ZNF100: variants seen among roughly 807,000 people sequenced by gnomAD.
ZNF100 encodes zinc finger protein 100.
A neutral mutation model predicts 15.8 loss-of-function variants in ZNF100; 12 were observed. The ratio of observed to expected loss-of-function variants is 0.76; its 90% CI spans 0.49 to 1.23. ZNF100 has a LOEUF of 1.23. Ranked by LOEUF, ZNF100 falls within the 50% of genes most tolerant of loss-of-function variation. The probability of loss-of-function intolerance (pLI) is 0.00; values close to 1 mark genes in which losing one functional copy is unlikely to be tolerated. For synonymous variants in ZNF100, 226 were observed against 214.8 expected (o/e 1.05, Z -0.45); for missense variants, 670 against 635.6 (o/e 1.05, Z -0.58).
At chr19:21,737,544 A>T (rs2036029906) in intron 4 of ZNF100, among the ~76,000 whole-genome samples, 1 of 148,662 alleles carries the variant, frequency 6.7e-6, no homozygotes, top group African/African-American at 2.5e-5. Context: ...CCAAAAATAA[A>T]AAAAAAGAAG....
chr19:21,745,961 TTCCAAAGACAG>T (rs1314576544), intron 2 of ZNF100, among the ~76,000 whole-genome samples: 4 of 152,308 alleles, frequency 2.6e-5, no homozygotes, highest in African/African-American at 9.6e-5. Flanking sequence ...AGCCTTCATT[TTCCAAAGACAG>T]CTACATGCAA....
intron 2 of ZNF100, among the ~76,000 whole-genome samples, chr19:21,760,971 G>A (rs1222373817): frequency 6.6e-6 from 1 of 151,808 alleles, no homozygotes; most frequent in Non-Finnish European, 1.5e-5. Context: ...TGTTAGCCAG[G>A]ATAGTCTTGA....
chr19:21,732,950 G>A (rs2035944583), intron 4 of ZNF100, among the ~76,000 whole-genome samples: 1 of 152,144 alleles, frequency 6.6e-6, no homozygotes, highest in Admixed American at 6.5e-5. Flanking sequence ...ATGGTGGCCA[G>A]GCACAGTGGC....
In ZNF100 at chr19:21,727,167, A is replaced by C; in HGVS notation, c.1145T>G (p.Phe382Cys). Residue 382 changes from phenylalanine (F) to cysteine (C), a missense_variant, in exon 5 of 5, where the codon TTT (phenylalanine) becomes TGT (cysteine). Transcript: ENST00000358296. ...TTTAGTAAGGTATGAGAATCGGTAA[A>C]AAGCTTTGCCACATTCTTCACATTT... Reference protein sequence around the residue: ...PYKCEECGKAFYRFSYLTKHK... With the variant: ...PYKCEECGKACYRFSYLTKHK... 6.2e-7 allele frequency: 1 copy of C among 1,612,146 alleles called. No homozygotes were observed. Among genetic ancestry groups the C allele is most frequent in the Non-Finnish European group, 8.5e-7 (1 of 1,178,424 alleles).
rs192180158 is a variant in ZNF100, at chr19:21,730,861, A to G, written c.323-2872T>C. Among the ~76,000 whole-genome samples, 14 of 152,294 alleles carry G rather than the reference A, an allele frequency of 9.2e-5. No individual in the cohort carries two copies. The East Asian group carries it at 2.7e-3, about 29-fold the overall frequency. ...TAGAAAAACAATTAAACATTTACAA[A>G]TATATGGAAATTAACACACTCTTGA... On this transcript the variant is annotated intron_variant, in intron 4 of 4. Transcript: ENST00000358296.
chr19:21,743,761 T>G (rs1210362346), intron 4 of ZNF100, among the ~76,000 whole-genome samples: 1 of 149,790 alleles, frequency 6.7e-6, no homozygotes, highest in Non-Finnish European at 1.5e-5. Flanking sequence ...ACTCTGGCTC[T>G]CACTGTAAAC....
intron 1 of ZNF100, 102 bp downstream of exon 1, chr19:21,767,325 G>C: frequency 6.3e-7 from 1 of 1,592,922 alleles, no homozygotes; most frequent in East Asian, 2.2e-5. Context: ...CGCAGATTGT[G>C]AAGCTGACTG....
chr19:21,740,326 A>G (rs185472211), intron 4 of ZNF100, among the ~76,000 whole-genome samples: 141 of 152,310 alleles, frequency 9.3e-4, no homozygotes, highest in African/African-American at 3.3e-3. Context: ...TCAATAAAAT[A>G]CTTACATAAA....
intron 4 of ZNF100, among the ~76,000 whole-genome samples, chr19:21,741,679 A>G (rs967714113): frequency 3.3e-5 from 5 of 151,420 alleles, no homozygotes; most frequent in African/African-American, 1.2e-4. Context: ...CTGGCATGTA[A>G]AACTTTTTTT....
chr19:21,748,755 A>C (rs1167008473), intron 2 of ZNF100, among the ~76,000 whole-genome samples: 1 of 152,194 alleles, frequency 6.6e-6, no homozygotes, highest in Non-Finnish European at 1.5e-5. Context: ...CCCAGGCTGG[A>C]GTGCAATGGC....
At chr19:21,749,613 G>A (rs539317782) in intron 2 of ZNF100, among the ~76,000 whole-genome samples, 4 of 152,290 alleles carry the variant, frequency 2.6e-5, no homozygotes, top group East Asian at 3.9e-4. Flanking sequence ...TTACAGGTAG[G>A]TATAGTTGTG....
rs186626864 is a variant in ZNF100, at chr19:21,748,770, T to C, written c.97-3703A>G. On this transcript the variant is annotated intron_variant, in intron 2 of 4. Coordinates refer to ENST00000358296, the MANE Select transcript of ZNF100 (RefSeq NM_173531.4). ...CCCAGGCTGGAGTGCAATGGCACAA[T>C]CTTGGCTCAACGCAAACTCTACCTC... is the stretch of plus-strand genomic sequence containing the variant. Among the ~76,000 whole-genome samples the C allele has an allele frequency of 1.2e-4, 18 of 152,332 alleles. No individual in the cohort carries two copies. In the East Asian group the frequency reaches 3.5e-3, roughly 29 times the overall value.
intron 2 of ZNF100, among the ~76,000 whole-genome samples, chr19:21,758,250 AG>A (rs1462548385): frequency 6.6e-6 from 1 of 152,178 alleles, no homozygotes; most frequent in East Asian, 1.9e-4. Flanking sequence ...CATGGACACG[AG>A]GAACAGTCAC....
rs1464016459 is a variant in ZNF100 at position 21,725,657 on chromosome 19, T to C, written c.*1026A>G. 1 of 152,242 alleles carries C rather than the reference T, an allele frequency of 6.6e-6. No homozygotes were observed. Among genetic ancestry groups the C allele is most frequent in the East Asian group, 1.9e-4 (1 of 5,160 alleles). The allele number at this position is 152,242 out of a possible 1,614,324, so 9.4% of individuals were successfully genotyped here. On this transcript the variant is annotated 3_prime_UTR_variant, in exon 5 of 5. Coordinates refer to ENST00000358296, the MANE Select transcript of ZNF100 (RefSeq NM_173531.4). ...GAAATAATTTAAGAGTTGAATTACA[T>C]TATTACTCACTTTTCAAAAAATCTA...
At position 21,725,619 on chromosome 19, in the gene ZNF100, G is replaced by A. The variant is rs2035765111; in HGVS notation, c.*1064C>T. On this transcript the variant is annotated 3_prime_UTR_variant, in exon 5 of 5. Transcript: ENST00000358296. The stretch of plus-strand genomic sequence containing the variant: ...CATGCTTTCACATGTAAATAGGAGT[G>A]AAGAAAAGGCAGGAAATAATTTAAG... 6.6e-6 allele frequency: 1 copy of A among 152,052 alleles called. No individual in the cohort carries two copies. The highest frequency in any genetic ancestry group is 1.5e-5 in the Non-Finnish European group (1 of 67,968). 9.4% of individuals were successfully genotyped at this position (152,052 alleles called of 1,614,324 possible). A position where few individuals can be genotyped will look rare whatever the true frequency, so the allele number is the denominator to read the frequency against.
chr19:21,764,500 G>C (rs996689701), intron 2 of ZNF100, among the ~76,000 whole-genome samples: 9 of 151,920 alleles, frequency 5.9e-5, no homozygotes, highest in Admixed American at 5.9e-4. Flanking sequence ...AAATTAGCCG[G>C]GCATAGTGGT....
At chr19:21,745,188 C>G in intron 2 of ZNF100, 121 bp from the exon 3 acceptor site, 1 of 1,411,718 alleles carries the variant, frequency 7.1e-7, no homozygotes, top group Non-Finnish European at 9.4e-7. Flanking sequence ...ATAGAAATGA[C>G]AAATTTTCCA....
intron 2 of ZNF100, among the ~76,000 whole-genome samples, 179 bp from the exon 3 acceptor site, chr19:21,745,246 G>C (rs1460290469): frequency 1.6e-4 from 24 of 152,108 alleles, no homozygotes; most frequent in Admixed American, 1.6e-3. Context: ...CTAATTCTGA[G>C]AGAAGAGAAT....
chr19:21,761,995 T>C (rs1599409430), intron 2 of ZNF100, among the ~76,000 whole-genome samples: 1 of 152,134 alleles, frequency 6.6e-6, no homozygotes, highest in Non-Finnish European at 1.5e-5. Flanking sequence ...GGCAGGCAGA[T>C]CACTTGAGGT....
Sources: allele counts gnomAD v4.1 joint callset (sites outside exome capture counted in the v4.1 genomes callset), GRCh38; gene constraint gnomAD v4.1.1; transcripts MANE v1.5; gene names NCBI Gene and HGNC (gene_info 2026-07-23, HGNC 2026-07-21).